The following RAI14 variants were observed in gnomAD, a reference collection of about 807,000 sequenced individuals.
The protein encoded by RAI14 is retinoic acid induced 14.
Under a neutral mutation model 115.4 loss-of-function variants are expected in RAI14, and 45 were observed. That is an observed-to-expected ratio of 0.39 (90% CI 0.31 to 0.50). The LOEUF is 0.50. RAI14 is among the 20% of genes least tolerant of loss of function. The probability of loss-of-function intolerance (pLI) is 0.85; values close to 1 mark genes in which losing one functional copy is unlikely to be tolerated. For synonymous variants in RAI14, 371 were observed against 415.4 expected (o/e 0.89, Z 1.30); for missense variants, 939 against 1,131.2 (o/e 0.83, Z 2.44).
intron 3 of RAI14, among the ~76,000 whole-genome samples, chr5:34,781,749 A>G (rs541852580): frequency 4.1e-4 from 62 of 152,364 alleles, no homozygotes; most frequent in Non-Finnish European, 7.5e-4. Context: ...GTATGTACCC[A>G]TTAGTACTGA....
intron 4 of RAI14, 89 bp downstream of exon 4, chr5:34,796,116 C>A: frequency 3.7e-6 from 4 of 1,078,622 alleles, no homozygotes; most frequent in South Asian, 1.4e-5. Context: ...AAATTTAAGG[C>A]CAGGTGTGGT....
intron 2 of RAI14, among the ~76,000 whole-genome samples, chr5:34,727,497 A>G (rs1392675008): frequency 6.6e-6 from 1 of 152,096 alleles, no homozygotes; most frequent in African/African-American, 2.4e-5. Flanking sequence ...TGTGCCAGAG[A>G]CCTTTGTGGC....
rs563570858 is a variant in RAI14 at position 34,739,793 on chromosome 5, G to T, written c.37-17675G>T. ...GCCATGGTCCCTGGCCAGGTGTGGT[G>T]GCTCATGCCTGTAATCCCAGCACTT... On this transcript the variant is annotated intron_variant, in intron 2 of 17. Coordinates refer to ENST00000265109, the MANE Select transcript of RAI14 (RefSeq NM_015577.3). Among the ~76,000 whole-genome samples the T allele has an allele frequency of 5.9e-5, 9 of 152,264 alleles. No individual in the cohort carries two copies. In the South Asian group the frequency reaches 8.3e-4, roughly 14 times the overall value.
chr5:34,689,124 C>T (rs1738238678), intron 2 of RAI14, among the ~76,000 whole-genome samples: 1 of 152,174 alleles, frequency 6.6e-6, no homozygotes. Flanking sequence ...AGGCAATCTG[C>T]TGGCACGGTG....
In RAI14 at chr5:34,821,779, C is replaced by G. The variant is rs1353443338; in HGVS notation, c.1042C>G (p.Leu348Val). ...AAGTTCTGAAGCTGACCAACAAGATCTTCTCTCTCTATTGCAAGCAAAAGT... is the reference window on the plus strand; with the variant it reads ...AAGTTCTGAAGCTGACCAACAAGATGTTCTCTCTCTATTGCAAGCAAAAGT... ...DISSEADQQDLLSLLQAKVAS... is the reference protein window; with the variant it reads ...DISSEADQQDVLSLLQAKVAS... Residue 348 changes from leucine to valine, a missense_variant, in exon 14 of 18, where the codon CTT (leucine) becomes GTT (valine). Transcript: ENST00000265109. The G allele has an allele frequency of 6.2e-7, 1 of 1,612,676 alleles. No homozygotes were observed. The highest frequency in any genetic ancestry group is 1.3e-5 in the African/African-American group (1 of 74,890).
At chr5:34,760,397 T>G (rs1748481261) in intron 3 of RAI14, among the ~76,000 whole-genome samples, 1 of 152,182 alleles carries the variant, frequency 6.6e-6, no homozygotes, top group African/African-American at 2.4e-5. Flanking sequence ...AATCACTTGG[T>G]CTGGGGAGAG....
At chr5:34,820,935 G>A (rs1427208212) in intron 13 of RAI14, among the ~76,000 whole-genome samples, 1 of 152,202 alleles carries the variant, frequency 6.6e-6, no homozygotes, top group Non-Finnish European at 1.5e-5. Context: ...AGTTTGACAT[G>A]ATGCTTAAGA....
Position 34,767,923 on chromosome 5 carries a change from G to A in RAI14, c.167+10325G>A, listed in dbSNP as rs1749632134. ...GAGCCTCTGCTAGGGCAGTGCAGAAGGGAAATGTAGGGCTGGGACCCCCTC... is the reference window on the plus strand; with the variant it reads ...GAGCCTCTGCTAGGGCAGTGCAGAAAGGAAATGTAGGGCTGGGACCCCCTC... On this transcript the variant is annotated intron_variant, in intron 3 of 17. Coordinates refer to ENST00000265109, the MANE Select transcript of RAI14 (RefSeq NM_015577.3). Among the ~76,000 whole-genome samples the A allele has an allele frequency of 4.7e-5, 7 of 148,012 alleles. No homozygotes were observed. In the South Asian group the frequency reaches 1.5e-3, roughly 32 times the overall value.
intron 1 of RAI14, among the ~76,000 whole-genome samples, chr5:34,686,186 T>C (rs1040168059): frequency 6.6e-6 from 1 of 152,182 alleles, no homozygotes; most frequent in Admixed American, 6.5e-5. Flanking sequence ...GACTTGAACA[T>C]AGAGATACAG....
rs1422528771 is a variant in RAI14, at chr5:34,757,593, G to A, written c.162G>A (p.Lys54=). 3 of 1,609,816 alleles carry A rather than the reference G, an allele frequency of 1.9e-6. No individual in the cohort carries two copies. The highest frequency in any genetic ancestry group is 2.5e-6 in the Non-Finnish European group (3 of 1,178,008). Residue 54 remains lysine (K), a synonymous_variant, in exon 3 of 18, where the codon AAG becomes AAA. Transcript: ENST00000265109. ...CCACCAAACACGACAGTGAGGGCAA[G>A]ACCGCGTAAGCTGAAACACTGGTTT... ...ASATKHDSEG[K]TAFHLAAAKG... is the part of the protein sequence containing the mutation.
intron 2 of RAI14, among the ~76,000 whole-genome samples, chr5:34,721,267 G>A (rs1742683005): frequency 7.0e-6 from 1 of 143,706 alleles, no homozygotes; most frequent in South Asian, 2.3e-4. Flanking sequence ...AGATATGTGT[G>A]TGTATGTATG....
chr5:34,776,820 A>C (rs975571447), intron 3 of RAI14, among the ~76,000 whole-genome samples: 1 of 151,406 alleles, frequency 6.6e-6, no homozygotes, highest in East Asian at 1.9e-4. Flanking sequence ...AAAACCCACC[A>C]AAACTCATGT....
intron 2 of RAI14, among the ~76,000 whole-genome samples, chr5:34,689,875 A>C (rs1261651381): frequency 6.6e-6 from 1 of 152,196 alleles, no homozygotes; most frequent in East Asian, 1.9e-4. Flanking sequence ...CTCCATCTCA[A>C]AACAAAACAA....
intron 9 of RAI14, 58 bp from the exon 10 acceptor site, chr5:34,812,122 A>C: frequency 6.8e-7 from 1 of 1,476,888 alleles, no homozygotes; most frequent in Non-Finnish European, 9.3e-7. Flanking sequence ...CCCCCACCCA[A>C]AGTGAATATG....
chr5:34,799,833 G>A (rs1262607251), intron 4 of RAI14, among the ~76,000 whole-genome samples: 6 of 151,758 alleles, frequency 4.0e-5, no homozygotes, highest in Non-Finnish European at 8.8e-5. Context: ...GACTACAGGC[G>A]CCCGCCACCA....
chr5:34,828,618 T>C (rs190158735), intron 16 of RAI14, among the ~76,000 whole-genome samples: 119 of 152,266 alleles, frequency 7.8e-4, no homozygotes, highest in Middle Eastern at 6.8e-3. Flanking sequence ...TATTATGGAC[T>C]TTTGTACATT....
rs1439111918 is a variant in RAI14, at chr5:34,686,913, A to G, written c.-7A>G. On this transcript the variant is annotated 5_prime_UTR_variant, in exon 2 of 18. Coordinates refer to ENST00000265109, the MANE Select transcript of RAI14 (RefSeq NM_015577.3). ...TCTAGAGCTTTGGAAGGCTGAATGC[A>G]CTAAACATGAAGAGCTTGAAAGCGA... 4.3e-6 allele frequency: 7 copies of G among 1,613,728 alleles called. No individual in the cohort carries two copies. In the South Asian group the frequency reaches 4.4e-5, roughly 10 times the overall value.
chr5:34,738,791 C>T (rs899481987), intron 2 of RAI14, among the ~76,000 whole-genome samples: 2 of 152,150 alleles, frequency 1.3e-5, no homozygotes, highest in African/African-American at 4.8e-5. Flanking sequence ...TTGAGGATAC[C>T]ATCTTACCAC....
chr5:34,689,914 C>G (rs1339359286), intron 2 of RAI14, among the ~76,000 whole-genome samples: 2 of 152,038 alleles, frequency 1.3e-5, no homozygotes, highest in African/African-American at 4.8e-5. Context: ...AAAAGAATGT[C>G]AAAAATCTTA....
Sources: gnomAD v4.1 joint callset for allele counts (sites outside exome capture counted in the v4.1 genomes callset) on GRCh38, gnomAD v4.1.1 for gene constraint, MANE v1.5 for transcripts, NCBI Gene and HGNC (gene_info 2026-07-23, HGNC 2026-07-21) for gene names.